The following BRCA2 variants were observed in gnomAD, a reference collection of about 807,000 sequenced individuals.
BRCA2 encodes the protein BRCA2 DNA repair associated, also known as breast cancer type 2 susceptibility protein.
BRCA2 carries 203 observed loss-of-function variants against 276.7 expected under a neutral mutation model. That is an observed-to-expected ratio of 0.73 (90% confidence interval 0.65 to 0.82). BRCA2 has a LOEUF of 0.82. Among genes scored for constraint, BRCA2 ranks in the 40% least tolerant of loss-of-function variants. BRCA2 has a pLI of 0.00. For missense variants in BRCA2, 3,920 were observed against 3,915.0 expected (o/e 1.00, Z -0.03); for synonymous variants, 1,289 against 1,338.4 (o/e 0.96, Z 0.81).
At chr13:32,372,104 A>G (rs2137603307) in intron 20 of BRCA2, among the ~76,000 whole-genome samples, 1 of 152,332 alleles carries the variant, frequency 6.6e-6, no homozygotes, top group African/African-American at 2.4e-5. Context: ...CTTTCATGAA[A>G]GATTTCTCTG....
chr13:32,327,925 C>T (rs1347786095), intron 7 of BRCA2, among the ~76,000 whole-genome samples: 1 of 151,938 alleles, frequency 6.6e-6, no homozygotes, highest in Non-Finnish European at 1.5e-5. Flanking sequence ...TACCATGCCA[C>T]CAGTATACTA....
chr13:32,326,136 A>G lies in BRCA2; in HGVS notation c.461A>G (p.Gln154Arg), dbSNP rs756335278. The change falls in exon 5 of 27, where the codon CAA (glutamine) becomes CGA (arginine). Residue 154 changes from glutamine (Q) to arginine (R), a missense_variant. Gln to Arg is a conservative substitution (Grantham distance 43). Coordinates refer to ENST00000380152, the MANE Select transcript of BRCA2 (RefSeq NM_000059.4). ...CTACAATGTACACATGTAACACCAC[A>G]AAGAGATAAGTCAGGTATGATTAAA... ...VVLQCTHVTP[Q>R]RDKSVVCGSL... The G allele has an allele frequency of 6.2e-7, 1 of 1,609,730 alleles. No homozygotes were observed. Among genetic ancestry groups the G allele is most frequent in the South Asian group, 1.1e-5 (1 of 90,884 alleles).
chr13:32,332,207 G>T (rs2072396469), intron 9 of BRCA2, 65 bp from the exon 10 acceptor site: 1 of 1,416,912 alleles, frequency 7.1e-7, no homozygotes, highest in African/African-American at 1.5e-5. Flanking sequence ...GAGAAAGGTT[G>T]TGAGAATAAT....
chr13:32,355,194 TAA>T lies in BRCA2; in HGVS notation c.7342_7343del (p.Lys2448AspfsTer2), dbSNP rs397507386. 1 of 1,613,590 alleles carries T rather than the reference TAA, an allele frequency of 6.2e-7. No homozygotes were observed. On this transcript the variant is annotated frameshift_variant, in exon 14 of 27. Coordinates refer to ENST00000380152, the MANE Select transcript of BRCA2 (RefSeq NM_000059.4). LOFTEE classifies it high-confidence loss of function. ...GACATGGCTCTGATGATAGTAAAAATAAGATTAATGACAATGAGATTCATCAG... is the reference window on the plus strand; with the variant it reads ...GACATGGCTCTGATGATAGTAAAAATGATTAATGACAATGAGATTCATCAG... ...DGHGSDDSKN[K>X]INDNEIHQFN...
At chr13:32,371,279 A>G (rs1404408095) in intron 20 of BRCA2, among the ~76,000 whole-genome samples, 179 bp downstream of exon 20, 3 of 152,176 alleles carry the variant, frequency 2.0e-5, no homozygotes, top group Non-Finnish European at 4.4e-5. Context: ...AACAAGGGAC[A>G]GAAATATCAG....
chr13:32,326,143 TAA>T lies in BRCA2; in HGVS notation c.469_470del (p.Lys157ValfsTer25), dbSNP rs397507739. The T allele has an allele frequency of 1.9e-6, 3 of 1,609,132 alleles. No individual in the cohort carries two copies. The highest frequency in any genetic ancestry group is 2.5e-6 in the Non-Finnish European group (3 of 1,176,496). On this transcript the variant is annotated frameshift_variant, in exon 5 of 27. Coordinates refer to ENST00000380152, the MANE Select transcript of BRCA2 (RefSeq NM_000059.4). LOFTEE classifies it high-confidence loss of function. ...GTACACATGTAACACCACAAAGAGA[TAA>T]GTCAGGTATGATTAAAAACAATGCT... is the stretch of plus-strand genomic sequence containing the variant. ...QCTHVTPQRD[K>X]SVVCGSLFHT... is the part of the protein sequence containing the mutation.
intron 18 of BRCA2, among the ~76,000 whole-genome samples, chr13:32,364,621 T>G (rs1385327010): frequency 6.6e-6 from 1 of 151,732 alleles, no homozygotes; most frequent in Non-Finnish European, 1.5e-5. Flanking sequence ...TAATCGACTG[T>G]GATCACATTT....
At chr13:32,376,044 G>T (rs1190160655) in intron 20 of BRCA2, among the ~76,000 whole-genome samples, 1 of 152,116 alleles carries the variant, frequency 6.6e-6, no homozygotes, top group African/African-American at 2.4e-5. Context: ...CAGTAGGCTT[G>T]CTCAACATAG....
Position 32,397,054 on chromosome 13 carries a change from T to C in BRCA2, c.9648+10T>C, listed in dbSNP as rs81002835. The C allele has an allele frequency of 6.2e-7, 1 of 1,612,792 alleles. No individual in the cohort carries two copies. The highest frequency in any genetic ancestry group is 8.5e-7 in the Non-Finnish European group (1 of 1,178,830). Reference sequence around the variant, plus strand: ...AGGAAACAAGCTTCTGGTAAGTTAATGTAAACTCAAGGAATATTATAAGAA... The same window carrying C: ...AGGAAACAAGCTTCTGGTAAGTTAACGTAAACTCAAGGAATATTATAAGAA... On this transcript the variant is annotated intron_variant, in intron 26 of 26. Transcript: ENST00000380152.
rs1555282771 is a variant in BRCA2 at position 32,337,005 on chromosome 13, T to G, written c.2650T>G (p.Ser884Ala). ...CAATCCAGACTCTGAAGAACTTTTC[T>G]CAGACAATGAGAATAATTTTGTCTT... is the stretch of plus-strand genomic sequence containing the variant. ...TVNPDSEELF[S>A]DNENNFVFQV... is the part of the protein sequence containing the mutation. The change falls in exon 11 of 27, where the codon TCA becomes GCA. Residue 884 changes from serine to alanine, a missense_variant. By Grantham distance (99) the Ser-to-Ala change is moderately conservative. This residue lies in a region of BRCA2 where 3,263 missense variants were observed against 3,156.9 expected (regional missense o/e 1.03). Transcript: ENST00000380152. The G allele has an allele frequency of 6.3e-7, 1 of 1,588,620 alleles. No homozygotes were observed. The highest frequency in any genetic ancestry group is 1.4e-5 in the African/African-American group (1 of 73,440).
In BRCA2 at chr13:32,338,464, G is replaced by T. The variant is rs587781406; in HGVS notation, c.4109G>T (p.Gly1370Val). ...DQHNICLKLS[G>V]QFMKEGNTQI... ...CACAACATATGTCTTAAATTATCTG[G>T]CCAGTTTATGAAGGAGGGAAACACT... The change falls in exon 11 of 27, where the codon GGC becomes GTC. Residue 1370 changes from glycine to valine, a missense_variant. By Grantham distance (109) the Gly-to-Val change is moderately radical. Around this residue, in one of 2 missense-constraint regions of BRCA2, gnomAD observed 3,263 missense variants for 3,156.9 expected, o/e 1.03. Coordinates refer to ENST00000380152, the MANE Select transcript of BRCA2 (RefSeq NM_000059.4). 1 of 1,611,196 alleles carries T rather than the reference G, an allele frequency of 6.2e-7. No homozygotes were observed. The highest frequency in any genetic ancestry group is 1.1e-5 in the South Asian group (1 of 89,962).
Position 32,379,750 on chromosome 13 carries a change from T to G in BRCA2, c.8954T>G (p.Val2985Gly). The G allele has an allele frequency of 6.2e-7, 1 of 1,610,180 alleles. No homozygotes were observed. ...ATCTTTCTCATCTTTCTCCAAACAG[T>G]TATACTGAGTATTTGGCGTCCATCA... is the stretch of plus-strand genomic sequence containing the variant. ...VSYSKKEKDS[V>G]ILSIWRPSSD... Residue 2985 changes from valine to glycine, a missense_variant and splice_region_variant, in exon 23 of 27, where the codon GTT (valine) becomes GGT (glycine). Val to Gly is a moderately radical substitution (Grantham distance 109). Around this residue, in one of 2 missense-constraint regions of BRCA2, gnomAD observed 657 missense variants for 758.2 expected, o/e 0.87. Transcript: ENST00000380152.
At position 32,356,455 on chromosome 13, in the gene BRCA2, G is replaced by A. The variant is rs80358968; in HGVS notation, c.7463G>A (p.Arg2488Lys). ...TTAATTACAAGTCTTCAGAATGCCA[G>A]AGATATACAGGATATGCGAATTAAG... Reference protein sequence around the residue: ...LDLITSLQNARDIQDMRIKKK... With the variant: ...LDLITSLQNAKDIQDMRIKKK... Residue 2488 changes from arginine to lysine, a missense_variant, in exon 15 of 27, where the codon AGA becomes AAA. Transcript: ENST00000380152. 29 of 1,614,012 alleles carry A rather than the reference G, an allele frequency of 1.8e-5. No homozygotes were observed. Among genetic ancestry groups the A allele is most frequent in the Non-Finnish European group, 2.4e-5 (28 of 1,179,864 alleles).
rs2137515447 is a variant in BRCA2, at chr13:32,339,592, C to T, written c.5237C>T (p.Ser1746Phe). The T allele has an allele frequency of 1.2e-6, 2 of 1,610,822 alleles. No individual in the cohort carries two copies. Among genetic ancestry groups the T allele is most frequent in the Admixed American group, 1.7e-5 (1 of 59,816 alleles). ...ACTTATTTAAGTAACAGTAGCATGT[C>T]TAACAGCTATTCCTACCATTCTGAT... Reference protein sequence around the residue: ...QDTYLSNSSMSNSYSYHSDEV... With the variant: ...QDTYLSNSSMFNSYSYHSDEV... The change falls in exon 11 of 27, where the codon TCT (serine) becomes TTT (phenylalanine). Residue 1746 changes from serine to phenylalanine, a missense_variant. By Grantham distance (155) the Ser-to-Phe change is radical. Around this residue, in one of 2 missense-constraint regions of BRCA2, gnomAD observed 3,263 missense variants for 3,156.9 expected, o/e 1.03. Transcript: ENST00000380152.
At chr13:32,369,489 G>A (rs1284429601) in intron 18 of BRCA2, among the ~76,000 whole-genome samples, 3 of 152,050 alleles carry the variant, frequency 2.0e-5, no homozygotes, top group Non-Finnish European at 2.9e-5. Flanking sequence ...AATAACCTTG[G>A]GCAAGTTGTG....
In BRCA2 at chr13:32,340,805, A is replaced by C. The variant is rs876658814; in HGVS notation, c.6450A>C (p.Lys2150Asn). 1.3e-6 allele frequency: 2 copies of C among 1,592,666 alleles called. No homozygotes were observed. Among genetic ancestry groups the C allele is most frequent in the African/African-American group, 2.7e-5 (2 of 73,446 alleles). ...GGSSENNHSI[K>N]VSPYLSQFQQ... The stretch of plus-strand genomic sequence containing the variant: ...CTTCAGAAAATAATCACTCTATTAA[A>C]GTTTCTCCATATCTCTCTCAATTTC... Residue 2150 changes from lysine to asparagine, a missense_variant, in exon 11 of 27, where the codon AAA (lysine) becomes AAC (asparagine). Around this residue, in one of 2 missense-constraint regions of BRCA2, gnomAD observed 3,263 missense variants for 3,156.9 expected, o/e 1.03. Coordinates refer to ENST00000380152, the MANE Select transcript of BRCA2 (RefSeq NM_000059.4).
chr13:32,322,394 G>A (rs1242960294), intron 3 of BRCA2, among the ~76,000 whole-genome samples: 1 of 152,186 alleles, frequency 6.6e-6, no homozygotes, highest in African/African-American at 2.4e-5. Flanking sequence ...ACAGCCTTTT[G>A]ACAGCAAGCC....
intron 3 of BRCA2, 44 bp downstream of exon 3, chr13:32,319,369 G>A (rs2138706175): frequency 6.5e-7 from 1 of 1,550,314 alleles, no homozygotes; most frequent in South Asian, 1.1e-5. Flanking sequence ...TACAAACTAG[G>A]AATTTAGGCA....
intron 24 of BRCA2, among the ~76,000 whole-genome samples, chr13:32,386,597 T>A (rs1413325630): frequency 2.1e-5 from 2 of 93,396 alleles, no homozygotes; most frequent in African/African-American, 3.8e-5. Context: ...AGAAAAAAAA[T>A]GTTAGGTAGA....
Sources: allele counts gnomAD v4.1 joint callset (sites outside exome capture counted in the v4.1 genomes callset), GRCh38; gene constraint gnomAD v4.1.1; regional missense constraint gnomAD v4.1.1; transcripts MANE v1.5; gene names NCBI Gene and HGNC (gene_info 2026-07-23, HGNC 2026-07-21).